CDK14: variants seen among roughly 807,000 people sequenced by gnomAD.
CDK14 encodes cyclin dependent kinase 14, also known as cyclin-dependent kinase 14.
CDK14 carries 34 observed loss-of-function variants against 60.7 expected under a neutral mutation model. That is an observed-to-expected ratio of 0.56 (90% confidence interval 0.43 to 0.75). The LOEUF is 0.75. Ranked by LOEUF, CDK14 falls within the 30% of genes least tolerant of loss-of-function variation. The pLI, the probability that CDK14 is intolerant of heterozygous loss-of-function variation, is 0.00. For missense variants in CDK14, 482 were observed against 564.1 expected, an observed-to-expected ratio of 0.85 and a Z score of 1.47; for synonymous variants, 197 against 203.7, an observed-to-expected ratio of 0.97 and a Z score of 0.28.
chr7:90,717,852 T>C (rs1024712418), intron 2 of CDK14, among the ~76,000 whole-genome samples: 11 of 151,992 alleles, frequency 7.2e-5, no homozygotes, highest in Admixed American at 6.6e-4. Context: ...ATAGAAGATA[T>C]GGTTTGTGTG....
intron 3 of CDK14, among the ~76,000 whole-genome samples, chr7:90,745,564 T>C (rs1803558264): frequency 6.6e-6 from 1 of 152,138 alleles, no homozygotes; most frequent in Non-Finnish European, 1.5e-5. Flanking sequence ...TACAGACTTG[T>C]GCCACCACGC....
chr7:90,649,386 C>T lies in CDK14; in HGVS notation c.123+45137C>T, dbSNP rs60613179. Among the ~76,000 whole-genome samples the T allele has an allele frequency of 4.7e-4, 31 of 65,438 alleles. 2 individuals are homozygous for T. Among genetic ancestry groups the T allele is most frequent in the East Asian group, 3.6e-3 (3 of 844 alleles). 42.9% of individuals were successfully genotyped at this position (65,438 alleles called of 152,430 possible). On this transcript the variant is annotated intron_variant, in intron 2 of 14. Coordinates refer to ENST00000380050, the MANE Select transcript of CDK14 (RefSeq NM_001287135.2). ...CTTCCTTTCCTTCCTTCCTTCCTTC[C>T]TTCCTTCCTTCTTTCTTTCTTTCTT... is the stretch of plus-strand genomic sequence containing the variant.
At chr7:90,972,261 C>T (rs1198821762) in intron 9 of CDK14, among the ~76,000 whole-genome samples, 1 of 152,164 alleles carries the variant, frequency 6.6e-6, no homozygotes, top group African/African-American at 2.4e-5. Context: ...TAATGAAGCA[C>T]TAACCACAGT....
chr7:90,700,564 A>T (rs1195306284), intron 2 of CDK14, among the ~76,000 whole-genome samples: 1 of 152,184 alleles, frequency 6.6e-6, no homozygotes, highest in African/African-American at 2.4e-5. Flanking sequence ...CTGTGCTCCT[A>T]TGATATTACA....
chr7:91,139,728 A>G (rs756777999), intron 14 of CDK14, among the ~76,000 whole-genome samples: 2 of 152,118 alleles, frequency 1.3e-5, no homozygotes, highest in Non-Finnish European at 2.9e-5. Context: ...GGTTTTCTTT[A>G]CTAGGGAGAG....
chr7:90,639,514 C>T (rs534717677), intron 2 of CDK14, among the ~76,000 whole-genome samples: 11 of 151,930 alleles, frequency 7.2e-5, no homozygotes, highest in Admixed American at 3.3e-4. Context: ...AGTACCTGGC[C>T]GTGTGAGGTG....
intron 2 of CDK14, among the ~76,000 whole-genome samples, chr7:90,641,277 T>C (rs1584762162): frequency 6.6e-6 from 1 of 152,032 alleles, no homozygotes; most frequent in South Asian, 2.1e-4. Flanking sequence ...CACTCCAAAG[T>C]ATATACCCGA....
At chr7:90,779,613 A>G (rs534151715) in intron 4 of CDK14, among the ~76,000 whole-genome samples, 1 of 152,354 alleles carries the variant, frequency 6.6e-6, no homozygotes, top group East Asian at 1.9e-4. Context: ...AATAACTAGT[A>G]GAGAGCATAG....
intron 6 of CDK14, among the ~76,000 whole-genome samples, chr7:90,867,397 C>A (rs982174887): frequency 2.0e-5 from 3 of 152,112 alleles, no homozygotes; most frequent in African/African-American, 7.2e-5. Context: ...GCCGCATTAA[C>A]CTATTTAACA....
chr7:90,798,644 A>G (rs1788526657), intron 5 of CDK14, among the ~76,000 whole-genome samples: 1 of 152,236 alleles, frequency 6.6e-6, no homozygotes, highest in Non-Finnish European at 1.5e-5. Flanking sequence ...TGCCACTCAC[A>G]GGCTTACCTA....
chr7:90,819,402 T>A (rs1315632479), intron 5 of CDK14, among the ~76,000 whole-genome samples: 1 of 152,182 alleles, frequency 6.6e-6, no homozygotes, highest in Non-Finnish European at 1.5e-5. Context: ...ATATACACAT[T>A]GACACATTTC....
At chr7:90,657,593 A>G (rs1800777034) in intron 2 of CDK14, among the ~76,000 whole-genome samples, 1 of 152,194 alleles carries the variant, frequency 6.6e-6, no homozygotes, top group Non-Finnish European at 1.5e-5. Context: ...ATTTTTAAGC[A>G]TGTGAAATGT....
At chr7:91,061,550 G>C (rs890256823) in intron 11 of CDK14, among the ~76,000 whole-genome samples, 5 of 152,116 alleles carry the variant, frequency 3.3e-5, no homozygotes, top group African/African-American at 1.2e-4. Flanking sequence ...TTTGGTCTTT[G>C]ATGACGATGA....
At chr7:91,129,293 G>A (rs1390254885) in intron 14 of CDK14, among the ~76,000 whole-genome samples, 2 of 152,182 alleles carry the variant, frequency 1.3e-5, no homozygotes, top group African/African-American at 4.8e-5. Context: ...ACTCTAAACT[G>A]TATTCCTGGG....
chr7:91,135,399 G>C (rs1431062875), intron 14 of CDK14, among the ~76,000 whole-genome samples: 1 of 152,160 alleles, frequency 6.6e-6, no homozygotes, highest in African/African-American at 2.4e-5. Flanking sequence ...GGCAGGACCA[G>C]GCATCTGACT....
At chr7:90,998,153 C>A (rs1795738966) in intron 10 of CDK14, among the ~76,000 whole-genome samples, 1 of 152,120 alleles carries the variant, frequency 6.6e-6, no homozygotes, top group Non-Finnish European at 1.5e-5. Context: ...ACTTGAATGA[C>A]ATTTTAACCA....
At chr7:91,132,284 G>T (rs1283732881) in intron 14 of CDK14, among the ~76,000 whole-genome samples, 1 of 152,180 alleles carries the variant, frequency 6.6e-6, no homozygotes, top group Non-Finnish European at 1.5e-5. Flanking sequence ...CATACAGGAG[G>T]AGAAGGATGT....
chr7:91,057,460 T>C (rs1797614648), intron 11 of CDK14, among the ~76,000 whole-genome samples: 2 of 152,048 alleles, frequency 1.3e-5, no homozygotes, highest in Non-Finnish European at 1.5e-5. Context: ...TTTTGGTGTT[T>C]TAGACATGAA....
intron 5 of CDK14, among the ~76,000 whole-genome samples, chr7:90,843,552 T>TA (rs898460092): frequency 2.6e-5 from 4 of 152,134 alleles, no homozygotes; most frequent in Non-Finnish European, 4.4e-5. Context: ...TATTCCTCAA[T>TA]AAAAAGCATC....
Sources: allele counts gnomAD v4.1 joint callset (sites outside exome capture counted in the v4.1 genomes callset), GRCh38; gene constraint gnomAD v4.1.1; transcripts MANE v1.5; gene names NCBI Gene and HGNC (gene_info 2026-07-23, HGNC 2026-07-21).